Variants in ARHGAP18 observed in about 807,000 individuals in gnomAD.
ARHGAP18 encodes Rho GTPase activating protein 18.
Under a neutral mutation model 86.2 loss-of-function variants are expected in ARHGAP18, and 67 were observed. The observed-to-expected ratio is 0.78, with a 90% CI of 0.64 to 0.95. The LOEUF (loss-of-function observed/expected upper bound fraction) is 0.95, where lower values mean the gene tolerates loss of function less well. Among genes scored for constraint, ARHGAP18 ranks in the 40% least tolerant of loss-of-function variants. The pLI is 0.00. For synonymous variants in ARHGAP18, 283 were observed against 280.4 expected (o/e 1.01, Z -0.09); for missense variants, 691 against 780.4 (o/e 0.89, Z 1.37).
At chr6:129,695,962 A>G (rs976890903) in intron 1 of ARHGAP18, among the ~76,000 whole-genome samples, 1 of 152,180 alleles carries the variant, frequency 6.6e-6, no homozygotes, top group Non-Finnish European at 1.5e-5. Context: ...AGTAATAAGT[A>G]TAGTGAGGTG....
chr6:129,709,946 C>A, intron 1 of ARHGAP18, 78 bp downstream of exon 1: 1 of 1,201,428 alleles, frequency 8.3e-7, no homozygotes, highest in Non-Finnish European at 1.2e-6. Flanking sequence ...TCCCTTCTCC[C>A]CACGCCAACT....
At chr6:129,591,854 T>C (rs1788522420) in intron 12 of ARHGAP18, among the ~76,000 whole-genome samples, 2 of 152,190 alleles carry the variant, frequency 1.3e-5, no homozygotes, top group Non-Finnish European at 2.9e-5. Context: ...ACAGGGACAT[T>C]TTAGCAAGGT....
At chr6:129,629,722 A>G (rs887667616) in intron 4 of ARHGAP18, among the ~76,000 whole-genome samples, 200 bp from the exon 5 acceptor site, 2 of 152,172 alleles carry the variant, frequency 1.3e-5, no homozygotes, top group African/African-American at 4.8e-5. Context: ...GACTGTGGTG[A>G]CTAGCAATCC....
chr6:129,605,340 C>G (rs567836038), intron 10 of ARHGAP18, among the ~76,000 whole-genome samples: 1 of 152,100 alleles, frequency 6.6e-6, no homozygotes, highest in African/African-American at 2.4e-5. Context: ...CGGATGAACC[C>G]TTAGAGAAAT....
chr6:129,582,218 C>T (rs1403944954), intron 13 of ARHGAP18, among the ~76,000 whole-genome samples: 1 of 152,016 alleles, frequency 6.6e-6, no homozygotes, highest in African/African-American at 2.4e-5. Context: ...AGCAGAAAAT[C>T]CAAATTTGTC....
At chr6:129,709,231 A>G (rs1053375613) in intron 1 of ARHGAP18, among the ~76,000 whole-genome samples, 9 of 152,134 alleles carry the variant, frequency 5.9e-5, no homozygotes, top group African/African-American at 2.2e-4. Context: ...TTTACTATTT[A>G]TATCTTGATG....
At chr6:129,641,712 G>T in intron 2 of ARHGAP18, 104 bp downstream of exon 2, 2 of 1,043,484 alleles carry the variant, frequency 1.9e-6, no homozygotes, top group Non-Finnish European at 2.8e-6. Flanking sequence ...ATCTTTTTTT[G>T]GTGGTCCTAG....
At chr6:129,707,583 C>T (rs1774821758) in intron 1 of ARHGAP18, among the ~76,000 whole-genome samples, 1 of 151,894 alleles carries the variant, frequency 6.6e-6, no homozygotes, top group African/African-American at 2.4e-5. Flanking sequence ...GATCCTCACA[C>T]TTCAGCCTCC....
chr6:129,625,179 T>G (rs372583057), intron 5 of ARHGAP18, among the ~76,000 whole-genome samples: 772 of 60,356 alleles, frequency 0.013, 134 homozygotes, highest in African/African-American at 0.043. Flanking sequence ...TATGATATAT[T>G]ATATATTATA....
At position 129,576,791 on chromosome 6, in the gene ARHGAP18, T is replaced by G. The variant is rs1584013345; in HGVS notation, c.*1722A>C. ...TAAGCACTTAATTTTTCTTTTATAT[T>G]ATTAATTGTTTTCAACCCACTAATA... On this transcript the variant is annotated 3_prime_UTR_variant, in exon 15 of 15. Transcript: ENST00000368149. 1.3e-5 allele frequency: 2 copies of G among 152,238 alleles called. No individual in the cohort carries two copies. Among genetic ancestry groups the G allele is most frequent in the South Asian group, 4.1e-4 (2 of 4,822 alleles). 9.4% of individuals were successfully genotyped at this position (152,238 alleles called of 1,614,324 possible). A position where few individuals can be genotyped will look rare whatever the true frequency, so the allele number is the denominator to read the frequency against.
chr6:129,690,128 TGTGTGTGTGTGTGTGTATGTG>T (rs1439206331), intron 1 of ARHGAP18, among the ~76,000 whole-genome samples: 25 of 151,774 alleles, frequency 1.6e-4, no homozygotes, highest in Non-Finnish European at 2.8e-4. Context: ...TGTAAACGTG[TGTGTGTGTGTGTGTGTATGTG>T]GTGTGTGTGT....
chr6:129,673,961 A>G (rs1774185102), intron 1 of ARHGAP18, among the ~76,000 whole-genome samples: 1 of 152,134 alleles, frequency 6.6e-6, no homozygotes, highest in African/African-American at 2.4e-5. Flanking sequence ...AGTAATACAT[A>G]CACACACACA....
At chr6:129,694,081 TC>T (rs913201662) in intron 1 of ARHGAP18, among the ~76,000 whole-genome samples, 1 of 152,164 alleles carries the variant, frequency 6.6e-6, no homozygotes, top group African/African-American at 2.4e-5. Flanking sequence ...TTGCCTAGAA[TC>T]CAGACTGGCA....
chr6:129,585,167 C>T (rs1788371187), intron 12 of ARHGAP18, among the ~76,000 whole-genome samples: 1 of 150,998 alleles, frequency 6.6e-6, no homozygotes, highest in Admixed American at 6.6e-5. Flanking sequence ...GGTGCCCCAC[C>T]TGTAATCCCA....
At chr6:129,603,851 A>G (rs1159124068) in intron 10 of ARHGAP18, among the ~76,000 whole-genome samples, 6 of 152,204 alleles carry the variant, frequency 3.9e-5, no homozygotes, top group African/African-American at 1.4e-4. Flanking sequence ...AAGATGTGGT[A>G]TTTAACATGG....
intron 1 of ARHGAP18, among the ~76,000 whole-genome samples, chr6:129,694,408 A>G (rs768605207): frequency 7.9e-5 from 12 of 152,186 alleles, no homozygotes; most frequent in African/African-American, 1.2e-4. Flanking sequence ...ATGGGTTGCT[A>G]TGAGGATTAA....
chr6:129,605,747 A>G (rs1310395577), intron 10 of ARHGAP18, 130 bp downstream of exon 10: 10 of 792,076 alleles, frequency 1.3e-5, no homozygotes, highest in Non-Finnish European at 1.7e-5. Flanking sequence ...TCTGTCCTTA[A>G]AAGTAGGCTT....
chr6:129,643,222 T>G (rs1305631013), intron 1 of ARHGAP18, among the ~76,000 whole-genome samples: 1 of 152,176 alleles, frequency 6.6e-6, no homozygotes, highest in African/African-American at 2.4e-5. Context: ...GTTGATATGG[T>G]TTGGCTATGT....
At chr6:129,671,384 G>A (rs146081155) in intron 1 of ARHGAP18, among the ~76,000 whole-genome samples, 11 of 152,256 alleles carry the variant, frequency 7.2e-5, no homozygotes, top group African/African-American at 2.6e-4. Context: ...AGGGACACGT[G>A]TGTTCATCTT....
Sources: gnomAD v4.1 joint callset for allele counts (sites outside exome capture counted in the v4.1 genomes callset) on GRCh38, gnomAD v4.1.1 for gene constraint, MANE v1.5 for transcripts, NCBI Gene and HGNC (gene_info 2026-07-23, HGNC 2026-07-21) for gene names.